CLXN: variants seen among roughly 807,000 people sequenced by gnomAD.
The protein encoded by CLXN is EF-hand calcium binding domain 1.
the CLXN span, chr8:48,730,676 T>C: frequency 5.2e-6 from 7 of 1,340,116 alleles, no homozygotes; most frequent in African/African-American, 8.7e-5. Flanking sequence ...GGAACACCTG[T>C]CCTGCATAAT....
the CLXN span, chr8:48,735,222 C>G: frequency 2.6e-4 from 396 of 1,551,392 alleles, no homozygotes; most frequent in Middle Eastern, 1.6e-3. Context: ...CTCGCGGGAC[C>G]CCCGCGAGCC....
At chr8:48,729,094 C>G in the CLXN span, 11 of 1,613,610 alleles carry the variant, frequency 6.8e-6, no homozygotes, top group African/African-American at 8.0e-5. Flanking sequence ...AGTCTCTTCT[C>G]TCACAGCCAG....
the CLXN span, among the ~76,000 whole-genome samples, chr8:48,717,581 ACAAATGAAAG>A: frequency 2.0e-5 from 3 of 152,238 alleles, no homozygotes; most frequent in Admixed American, 6.5e-5. Flanking sequence ...CAACATGAAA[ACAAATGAAAG>A]CATAAATCTC....
At chr8:48,719,987 G>A in the CLXN span, among the ~76,000 whole-genome samples, 10 of 152,178 alleles carry the variant, frequency 6.6e-5, no homozygotes, top group African/African-American at 1.2e-4. Flanking sequence ...CTGGAGCTGC[G>A]GCAGAGGAAC....
the CLXN span, among the ~76,000 whole-genome samples, chr8:48,714,376 AGAG>A: frequency 1.3e-5 from 2 of 152,236 alleles, no homozygotes; most frequent in Non-Finnish European, 2.9e-5. Context: ...GATGAACGGC[AGAG>A]GAGATGTGTT....
chr8:48,731,096 C>T, the CLXN span, among the ~76,000 whole-genome samples: 4 of 152,010 alleles, frequency 2.6e-5, no homozygotes, highest in African/African-American at 7.2e-5. Context: ...AAGTGGAAAT[C>T]GAAATGTTTT....
At chr8:48,728,479 A>C in the CLXN span, among the ~76,000 whole-genome samples, 11 of 152,230 alleles carry the variant, frequency 7.2e-5, no homozygotes, top group Middle Eastern at 0.01. Context: ...CACTCTACAC[A>C]TATCTCTATG....
the CLXN span, among the ~76,000 whole-genome samples, chr8:48,734,188 C>T: frequency 1.3e-4 from 20 of 152,202 alleles, no homozygotes; most frequent in African/African-American, 4.6e-4. Context: ...CATGTTTATT[C>T]CTTCTTTTTT....
chr8:48,727,151 T>TTCCA, the CLXN span, among the ~76,000 whole-genome samples: 8 of 127,762 alleles, frequency 6.3e-5, no homozygotes, highest in African/African-American at 1.9e-4. Flanking sequence ...CCATCCATCC[T>TTCCA]TCCATCCATC....
chr8:48,717,237 A>T, the CLXN span, among the ~76,000 whole-genome samples: 1 of 152,212 alleles, frequency 6.6e-6, no homozygotes, highest in Non-Finnish European at 1.5e-5. Flanking sequence ...GTACATTATA[A>T]TCAAATTGTC....
At chr8:48,720,081 C>G in the CLXN span, among the ~76,000 whole-genome samples, 1 of 152,186 alleles carries the variant, frequency 6.6e-6, no homozygotes, top group South Asian at 2.1e-4. Context: ...ACTTTAATCT[C>G]TTAATCCTGT....
chr8:48,735,171 G>C, the CLXN span: 12 of 1,613,476 alleles, frequency 7.4e-6, no homozygotes, highest in Non-Finnish European at 3.4e-6. Context: ...TCAGAGAATC[G>C]GGCCGCGGCG....
At chr8:48,726,936 TCCAA>T in the CLXN span, among the ~76,000 whole-genome samples, 1 of 136,502 alleles carries the variant, frequency 7.3e-6, no homozygotes, top group Non-Finnish European at 1.6e-5. Context: ...CACCCACGCA[TCCAA>T]CCATCCATAT....
At chr8:48,719,025 A>T in the CLXN span, among the ~76,000 whole-genome samples, 1 of 151,834 alleles carries the variant, frequency 6.6e-6, no homozygotes, top group Non-Finnish European at 1.5e-5. Flanking sequence ...GAAGAGATAA[A>T]CAAAATTGAC....
the CLXN span, among the ~76,000 whole-genome samples, chr8:48,717,051 G>T: frequency 6.6e-6 from 1 of 152,176 alleles, no homozygotes; most frequent in African/African-American, 2.4e-5. Flanking sequence ...TGTAATCCCA[G>T]CTACTTGGGA....
the CLXN span, chr8:48,728,895 G>T: frequency 9.5e-6 from 5 of 528,882 alleles, no homozygotes; most frequent in East Asian, 1.6e-4. Flanking sequence ...AAATGAATCA[G>T]CAGGTTATTC....
At chr8:48,735,004 G>C in the CLXN span, 1 of 1,465,952 alleles carries the variant, frequency 6.8e-7, no homozygotes, top group East Asian at 2.3e-5. Flanking sequence ...CAGCAGGCGG[G>C]AAGCAGGCAC....
chr8:48,730,410 G>T, the CLXN span: 1 of 529,758 alleles, frequency 1.9e-6, no homozygotes, highest in Non-Finnish European at 3.3e-6. Context: ...AAATAGGTTA[G>T]TGGGATTCAA....
the CLXN span, chr8:48,729,840 G>A: frequency 5.7e-5 from 92 of 1,612,404 alleles, no homozygotes; most frequent in Admixed American, 3.2e-4. Context: ...AAATGAATCC[G>A]TCACCATTCA....
Sources: gnomAD v4.1 joint callset for allele counts (sites outside exome capture counted in the v4.1 genomes callset) on GRCh38, gnomAD v4.1.1 for gene constraint, MANE v1.5 for transcripts, NCBI Gene and HGNC (gene_info 2026-07-23, HGNC 2026-07-21) for gene names.